Variants in ELFN1 observed in about 807,000 individuals in gnomAD.
ELFN1 encodes protein ELFN1.
ELFN1 carries 6 observed loss-of-function variants against 7.6 expected under a neutral mutation model. That is an observed-to-expected ratio of 0.79 (90% CI 0.43 to 1.56). The LOEUF is 1.56. Among genes scored for constraint, ELFN1 ranks in the 40% most tolerant of loss-of-function variants. ELFN1 has a pLI of 0.01. For missense variants in ELFN1, 1,169 were observed against 1,232.2 expected, an observed-to-expected ratio of 0.95 and a Z score of 0.77; for synonymous variants, 657 against 588.1, an observed-to-expected ratio of 1.12 and a Z score of -1.70.
intron 3 of ELFN1, among the ~76,000 whole-genome samples, chr7:1,730,120 C>G (rs1445908511): frequency 1.3e-5 from 2 of 152,264 alleles, no homozygotes; most frequent in Non-Finnish European, 2.9e-5. Context: ...CTCTATCGTT[C>G]ACCCTGCTTT....
rs1334931527 is a variant in ELFN1, at chr7:1,695,413, A to G, written c.-456+7263A>G. ...GCCTGGGCGAGTCTCGCTGGGAGGC[A>G]GGAGCAGACTCAGCCCGCCAAGCCC... On this transcript the variant is annotated intron_variant, in intron 2 of 3. Coordinates refer to ENST00000424383, the MANE Select transcript of ELFN1 (RefSeq NM_001128636.4). This position sits in a 1 kb window ranked among gnomAD's most constrained non-coding sequence, Gnocchi z 5.1. Among the ~76,000 whole-genome samples the G allele has an allele frequency of 6.6e-6, 1 of 152,174 alleles. No individual in the cohort carries two copies. Among genetic ancestry groups the G allele is most frequent in the Non-Finnish European group, 1.5e-5 (1 of 68,036 alleles).
At chr7:1,683,146 C>G (rs2128577406) in intron 1 of ELFN1, among the ~76,000 whole-genome samples, 1 of 150,186 alleles carries the variant, frequency 6.7e-6, no homozygotes, top group African/African-American at 2.4e-5. Context: ...AAATATTGCT[C>G]TCACAGAATA....
intron 3 of ELFN1, among the ~76,000 whole-genome samples, chr7:1,719,526 G>A (rs1779953549): frequency 6.6e-6 from 1 of 152,216 alleles, no homozygotes; most frequent in Admixed American, 6.5e-5. Flanking sequence ...ACATGGCCCT[G>A]TTGTTCCCCA....
upstream of ELFN1, among the ~76,000 whole-genome samples, chr7:1,668,576 G>A (rs1196250451): frequency 1.3e-5 from 2 of 152,250 alleles, no homozygotes; most frequent in South Asian, 2.1e-4. Flanking sequence ...CCTTCCAAGC[G>A]TGACCAAGGA....
chr7:1,696,185 T>C (rs983118854), intron 2 of ELFN1, among the ~76,000 whole-genome samples: 1 of 151,268 alleles, frequency 6.6e-6, no homozygotes, highest in Non-Finnish European at 1.5e-5. Flanking sequence ...AGTGTGTGTG[T>C]GTGTGTGTGC....
chr7:1,694,018 G>T (rs1779242929), intron 2 of ELFN1: 2 of 357,970 alleles, frequency 5.6e-6, no homozygotes, highest in African/African-American at 2.1e-5. Context: ...CCGACGCTTA[G>T]AGCTGAACAG....
chr7:1,745,997 C>G lies in ELFN1; in HGVS notation c.1401C>G (p.Ile467Met). The G allele has an allele frequency of 6.5e-7, 1 of 1,544,206 alleles. No individual in the cohort carries two copies. The highest frequency in any genetic ancestry group is 8.7e-7 in the Non-Finnish European group (1 of 1,142,950). Residue 467 changes from isoleucine to methionine, a missense_variant, in exon 4 of 4, where the codon ATC becomes ATG. This residue lies in a region of ELFN1 where 914 missense variants were observed against 872.6 expected (regional missense o/e 1.05). Transcript: ENST00000424383. ...CTGGCAGCCTCAAGAAGACCATCAT[C>G]GAGCTCAAGTACGGGCCAGAGCTGG... Reference protein sequence around the residue: ...AAAGSLKKTIIELKYGPELEA... With the variant: ...AAAGSLKKTIMELKYGPELEA...
chr7:1,723,648 C>G (rs949126166), intron 3 of ELFN1, among the ~76,000 whole-genome samples: 1 of 152,250 alleles, frequency 6.6e-6, no homozygotes. Context: ...TTCTCCAGGG[C>G]TGTGCCCCGG....
At position 1,673,275 on chromosome 7, in the gene ELFN1, G is replaced by A. The variant is rs564116735; in HGVS notation, c.-549+2921G>A. 2.0e-5 allele frequency among the ~76,000 whole-genome samples: 3 copies of A among 152,274 alleles called. No individual in the cohort carries two copies. The South Asian group carries it at 6.2e-4, about 32-fold the overall frequency. ...GGAGACTGAGGCCCGGATTGGGGTGGGGCCGGAGAGGGTGGTGGAGGGGTC... is the reference window on the plus strand; with the variant it reads ...GGAGACTGAGGCCCGGATTGGGGTGAGGCCGGAGAGGGTGGTGGAGGGGTC... On this transcript the variant is annotated intron_variant, in intron 1 of 3. Transcript: ENST00000424383. This position sits in a 1 kb window ranked among gnomAD's most constrained non-coding sequence, Gnocchi z 4.7.
Position 1,747,384 on chromosome 7 carries a change from A to AT in ELFN1, c.*310dup, listed in dbSNP as rs919766752. 1.1e-4 allele frequency: 30 copies of AT among 266,398 alleles called. No individual in the cohort carries two copies. Among genetic ancestry groups the AT allele is most frequent in the African/African-American group, 2.1e-4 (9 of 43,350 alleles). The allele number at this position is 266,398 out of a possible 1,614,324, so 16.5% of individuals were successfully genotyped here. ...TTAGGGATGGGGGGTGGGGGTGGGG[A>AT]TTTTTTTTTCATTATCTTTCCTCTT... On this transcript the variant is annotated 3_prime_UTR_variant, in exon 4 of 4. Transcript: ENST00000424383.
At chr7:1,672,831 A>G (rs1006919133) in intron 1 of ELFN1, among the ~76,000 whole-genome samples, 5 of 151,942 alleles carry the variant, frequency 3.3e-5, no homozygotes, top group Admixed American at 6.6e-5. Context: ...GCAGAGGTGC[A>G]TGGACTTGGG....
chr7:1,701,719 C>T (rs1779432016), intron 2 of ELFN1, among the ~76,000 whole-genome samples: 1 of 152,012 alleles, frequency 6.6e-6, no homozygotes, highest in South Asian at 2.1e-4. Flanking sequence ...GGAGGATCAC[C>T]TGAGGCTGAG....
intron 2 of ELFN1, among the ~76,000 whole-genome samples, chr7:1,696,277 GGAGAGA>G (rs369346750): frequency 4.1e-5 from 6 of 145,654 alleles, no homozygotes; most frequent in East Asian, 4.0e-4. Flanking sequence ...AGAAAGAGAT[GGAGAGA>G]GAGAGAGAGA....
intron 1 of ELFN1, among the ~76,000 whole-genome samples, chr7:1,684,418 T>A (rs1314187845): frequency 6.6e-6 from 1 of 152,172 alleles, no homozygotes. Flanking sequence ...CTGTCCAGTC[T>A]GACAATCTCT....
At chr7:1,676,348 C>T (rs2128574699) in intron 1 of ELFN1, among the ~76,000 whole-genome samples, 1 of 152,200 alleles carries the variant, frequency 6.6e-6, no homozygotes, top group East Asian at 1.9e-4. Flanking sequence ...TCTATCTGTC[C>T]TGTGGAATGG....
Position 1,745,334 on chromosome 7 carries a change from G to A in ELFN1, c.738G>A (p.Leu246=). The A allele has an allele frequency of 6.5e-7, 1 of 1,539,850 alleles. No homozygotes were observed. The highest frequency in any genetic ancestry group is 8.7e-7 in the Non-Finnish European group (1 of 1,146,694). The change falls in exon 4 of 4, where the codon CTG becomes CTA. Residue 246 remains leucine, a synonymous_variant. Transcript: ENST00000424383. ...RRGHRSILSK[L]QSVCTEDSYA... The stretch of plus-strand genomic sequence containing the variant: ...GCCACCGCAGCATCCTCAGCAAACT[G>A]CAGTCAGTCTGCACCGAGGACTCGT...
In ELFN1 at chr7:1,673,071, G is replaced by A. The variant is rs944689774; in HGVS notation, c.-549+2717G>A. On this transcript the variant is annotated intron_variant, in intron 1 of 3. Transcript: ENST00000424383. The surrounding 1 kb of genome is among the most constrained non-coding windows in gnomAD (Gnocchi z 4.7). ...ACCGCCGCGGACATTGGATACATTT[G>A]TCATCTCTCCAGCGCCCCCCCCCGC... 3.5e-5 allele frequency among the ~76,000 whole-genome samples: 5 copies of A among 143,318 alleles called. No individual in the cohort carries two copies. The highest frequency in any genetic ancestry group is 7.5e-5 in the Non-Finnish European group (5 of 66,876). 94.0% of individuals were successfully genotyped at this position (143,318 alleles called of 152,430 possible).
At chr7:1,674,493 G>T (rs1157973137) in intron 1 of ELFN1, among the ~76,000 whole-genome samples, 1 of 152,148 alleles carries the variant, frequency 6.6e-6, no homozygotes. Flanking sequence ...GGGTCTAGCT[G>T]GCCCCTATAG....
intron 3 of ELFN1, among the ~76,000 whole-genome samples, chr7:1,733,770 C>T (rs190090819): frequency 3.5e-4 from 53 of 152,300 alleles, no homozygotes; most frequent in African/African-American, 1.2e-3. Context: ...AGCCAGGAAA[C>T]ACAGATTCAG....
Sources: allele counts gnomAD v4.1 joint callset (sites outside exome capture counted in the v4.1 genomes callset), GRCh38; gene constraint gnomAD v4.1.1; regional missense constraint gnomAD v4.1.1; non-coding constraint Gnocchi (gnomAD v3.1); transcripts MANE v1.5; gene names NCBI Gene and HGNC (gene_info 2026-07-23, HGNC 2026-07-21).